Variants in SRGAP1 observed in about 807,000 individuals in gnomAD.
The protein encoded by SRGAP1 is SLIT-ROBO Rho GTPase-activating protein 1.
A neutral mutation model predicts 121.9 loss-of-function variants in SRGAP1; 43 were observed. The observed-to-expected ratio is 0.35, with a 90% CI of 0.28 to 0.46. The LOEUF (loss-of-function observed/expected upper bound fraction) is 0.46. Among genes scored for constraint, SRGAP1 ranks in the 20% least tolerant of loss-of-function variants. SRGAP1 has a pLI of 1.00. For synonymous variants in SRGAP1, 447 were observed against 485.4 expected, an observed-to-expected ratio of 0.92 and a Z score of 1.04; for missense variants, 1,102 against 1,350.9, an observed-to-expected ratio of 0.82 and a Z score of 2.89.
chr12:64,008,735 T>C lies in SRGAP1; in HGVS notation c.427-8215T>C, dbSNP rs113974734. 6.7e-3 allele frequency among the ~76,000 whole-genome samples: 1,020 copies of C among 152,262 alleles called. 18 individuals carry two copies. Among genetic ancestry groups the C allele is most frequent in the African/African-American group, 0.023 (957 of 41,516 alleles). The stretch of plus-strand genomic sequence containing the variant: ...TAGAATTAATGGGTTAATGCGTGAC[T>C]GAGTATGTGAATGAATGAACTTCAA... On this transcript the variant is annotated intron_variant, in intron 3 of 21. Transcript: ENST00000355086.
intron 16 of SRGAP1, among the ~76,000 whole-genome samples, chr12:64,109,753 A>C (rs1243168261): frequency 2.0e-5 from 3 of 152,170 alleles, no homozygotes; most frequent in African/African-American, 7.2e-5. Flanking sequence ...TTATTGAGTA[A>C]ACTTGGGGAA....
chr12:63,873,426 A>G (rs1165953127), intron 1 of SRGAP1, among the ~76,000 whole-genome samples: 1 of 151,432 alleles, frequency 6.6e-6, no homozygotes, highest in African/African-American at 2.4e-5. Flanking sequence ...CCAGCTACTT[A>G]GGAGGCTGAG....
At chr12:63,866,752 C>A (rs1592896217) in intron 1 of SRGAP1, among the ~76,000 whole-genome samples, 1 of 147,404 alleles carries the variant, frequency 6.8e-6, no homozygotes, top group African/African-American at 2.5e-5. Context: ...TTTTGCTCAA[C>A]AATGTGTCAT....
chr12:64,058,729 C>T (rs2035389744), intron 6 of SRGAP1, among the ~76,000 whole-genome samples: 1 of 151,922 alleles, frequency 6.6e-6, no homozygotes, highest in Admixed American at 6.6e-5. Context: ...ATTAATAATT[C>T]ATGAGCTCCA....
chr12:64,041,668 G>A (rs559156812), intron 4 of SRGAP1, among the ~76,000 whole-genome samples: 108 of 151,790 alleles, frequency 7.1e-4, no homozygotes, highest in South Asian at 8.3e-4. Context: ...GATTACAAGC[G>A]TGAAGCCACC....
chr12:63,880,156 C>T (rs943310938), intron 1 of SRGAP1, among the ~76,000 whole-genome samples: 1 of 152,148 alleles, frequency 6.6e-6, no homozygotes, highest in Non-Finnish European at 1.5e-5. Context: ...CCATGTAAGA[C>T]GTTCCTTTTC....
intron 6 of SRGAP1, among the ~76,000 whole-genome samples, chr12:64,056,032 G>A (rs867063794): frequency 6.7e-6 from 1 of 149,482 alleles, no homozygotes; most frequent in Non-Finnish European, 1.5e-5. Flanking sequence ...ATATCCATTC[G>A]CCCTACTGTC....
chr12:64,130,314 G>A (rs369329796), intron 21 of SRGAP1, among the ~76,000 whole-genome samples: 2 of 152,024 alleles, frequency 1.3e-5, no homozygotes, highest in African/African-American at 4.8e-5. Flanking sequence ...TAACTCAATG[G>A]CATTGTTGCT....
intron 1 of SRGAP1, among the ~76,000 whole-genome samples, chr12:63,956,775 A>G (rs185513730): frequency 8.7e-6 from 1 of 114,914 alleles, no homozygotes; most frequent in Non-Finnish European, 1.7e-5. Flanking sequence ...CATACACTTT[A>G]CTATTTCCAG....
intron 1 of SRGAP1, among the ~76,000 whole-genome samples, chr12:63,858,065 A>T (rs1899314041): frequency 6.6e-6 from 1 of 152,072 alleles, no homozygotes; most frequent in South Asian, 2.1e-4. Context: ...TTTCTTTTTG[A>T]ATCTGTTGAT....
intron 1 of SRGAP1, among the ~76,000 whole-genome samples, chr12:63,872,307 A>G (rs1191633717): frequency 6.6e-6 from 1 of 152,206 alleles, no homozygotes; most frequent in Admixed American, 6.5e-5. Context: ...AACATTTTGT[A>G]AAATTACCCT....
chr12:64,134,063 G>C (rs1303309565), intron 21 of SRGAP1, among the ~76,000 whole-genome samples: 2 of 152,014 alleles, frequency 1.3e-5, no homozygotes, highest in African/African-American at 4.8e-5. Context: ...TTTTGTAGTT[G>C]AGTGACTGTG....
intron 21 of SRGAP1, among the ~76,000 whole-genome samples, chr12:64,134,345 C>T (rs1027001104): frequency 4.6e-5 from 7 of 151,270 alleles, no homozygotes; most frequent in South Asian, 2.1e-4. Flanking sequence ...GGCGTGAACC[C>T]GGGAGGCAGA....
At chr12:63,933,060 C>T (rs964142654) in intron 1 of SRGAP1, among the ~76,000 whole-genome samples, 4 of 152,124 alleles carry the variant, frequency 2.6e-5, no homozygotes, top group South Asian at 2.1e-4. Context: ...TGGTGGTGTG[C>T]GCCTGTAGTC....
At chr12:63,950,995 G>GA (rs1380354603) in intron 1 of SRGAP1, among the ~76,000 whole-genome samples, 1 of 141,568 alleles carries the variant, frequency 7.1e-6, no homozygotes, top group African/African-American at 2.9e-5. Context: ...ACAATTGTCT[G>GA]ATTTTTTTTT....
chr12:63,994,633 A>G (rs2033643564), intron 3 of SRGAP1, among the ~76,000 whole-genome samples: 1 of 152,184 alleles, frequency 6.6e-6, no homozygotes, highest in Non-Finnish European at 1.5e-5. Flanking sequence ...ACCTTCTACT[A>G]GATGTAGACA....
chr12:64,091,351 T>G lies in SRGAP1; in HGVS notation c.1512T>G (p.Phe504Leu). Residue 504 changes from phenylalanine (F) to leucine (L), a missense_variant, in exon 12 of 22, where the codon TTT becomes TTG. Transcript: ENST00000355086. Reference sequence around the variant, plus strand: ...GCTCACAGTATAATACTAAGTTGTTTAATGGGGATTTGGAAACATTCGTCA... The same window carrying G: ...GCTCACAGTATAATACTAAGTTGTTGAATGGGGATTTGGAAACATTCGTCA... ...RPRSQYNTKL[F>L]NGDLETFVKD... is the part of the protein sequence containing the mutation. The G allele has an allele frequency of 6.2e-7, 1 of 1,608,290 alleles. No homozygotes were observed. Among genetic ancestry groups the G allele is most frequent in the Non-Finnish European group, 8.5e-7 (1 of 1,176,560 alleles).
intron 17 of SRGAP1, among the ~76,000 whole-genome samples, chr12:64,114,581 C>A (rs1182537071): frequency 2.0e-5 from 3 of 152,122 alleles, no homozygotes; most frequent in Non-Finnish European, 2.9e-5. Flanking sequence ...GAGTTCCTGA[C>A]CTCAGGTGAT....
In SRGAP1 at chr12:63,967,464, A is replaced by G. The variant is rs548306194; in HGVS notation, c.68-16483A>G. Among the ~76,000 whole-genome samples the G allele has an allele frequency of 2.8e-4, 43 of 152,304 alleles. No individual in the cohort carries two copies. In the Middle Eastern group the frequency reaches 0.014, roughly 48 times the overall value. ...CTCAAAAAGCGCTTAACTAGCAAAAAAAGAGCAACTAGCATGAGTCATATT... is the reference window on the plus strand; with the variant it reads ...CTCAAAAAGCGCTTAACTAGCAAAAGAAGAGCAACTAGCATGAGTCATATT... On this transcript the variant is annotated intron_variant, in intron 1 of 21. Coordinates refer to ENST00000355086, the MANE Select transcript of SRGAP1 (RefSeq NM_020762.4).
Sources: gnomAD v4.1 joint callset for allele counts (sites outside exome capture counted in the v4.1 genomes callset) on GRCh38, gnomAD v4.1.1 for gene constraint, MANE v1.5 for transcripts, NCBI Gene and HGNC (gene_info 2026-07-23, HGNC 2026-07-21) for gene names.